KCNH7: variants seen among roughly 807,000 people sequenced by gnomAD.
The protein encoded by KCNH7 is voltage-gated inwardly rectifying potassium channel KCNH7.
Under a neutral mutation model 120.8 loss-of-function variants are expected in KCNH7, and 49 were observed. That is an observed-to-expected ratio of 0.41 (90% confidence interval 0.32 to 0.51). KCNH7 has a LOEUF of 0.51. Ranked by LOEUF, KCNH7 falls within the 20% of genes least tolerant of loss-of-function variation. The pLI is 0.38. For synonymous variants in KCNH7, 547 were observed against 516.1 expected (o/e 1.06, Z -0.81); for missense variants, 1,097 against 1,446.6 (o/e 0.76, Z 3.92).
intron 2 of KCNH7, among the ~76,000 whole-genome samples, chr2:162,725,084 T>A (rs13401732): frequency 0.13 from 20,115 of 152,190 alleles, 1,509 homozygotes; most frequent in East Asian, 0.34. Flanking sequence ...GTTTTCTCAA[T>A]TCAATGGTGT....
At chr2:162,508,798 T>G (rs986905531) in intron 5 of KCNH7, among the ~76,000 whole-genome samples, 14 of 151,010 alleles carry the variant, frequency 9.3e-5, no homozygotes, top group Non-Finnish European at 1.8e-4. Context: ...TCACTGAGAG[T>G]GATCATGAAC....
Position 162,423,487 on chromosome 2 carries a change from CTT to C in KCNH7, c.2001_2002del (p.Arg668ThrfsTer33). 1 of 1,614,038 alleles carries C rather than the reference CTT, an allele frequency of 6.2e-7. No individual in the cohort carries two copies. Among genetic ancestry groups the C allele is most frequent in the Non-Finnish European group, 8.5e-7 (1 of 1,179,920 alleles). On this transcript the variant is annotated frameshift_variant, in exon 9 of 16. Coordinates refer to ENST00000332142, the MANE Select transcript of KCNH7 (RefSeq NM_033272.4). LOFTEE classifies it high-confidence loss of function. ...GTACCTGGCAGTTCCCGAGTATAGT[CTT>C]TGGATAATTGCAGATACATTCCCAA...
intron 2 of KCNH7, among the ~76,000 whole-genome samples, chr2:162,775,542 A>G (rs763528413): frequency 3.3e-5 from 5 of 152,220 alleles, no homozygotes; most frequent in Non-Finnish European, 7.4e-5. Flanking sequence ...GAATAATCAA[A>G]GTAAAAAACT....
intron 2 of KCNH7, among the ~76,000 whole-genome samples, chr2:162,704,743 T>C (rs1686635286): frequency 1.3e-5 from 2 of 152,200 alleles, no homozygotes; most frequent in South Asian, 4.1e-4. Context: ...TCCAAAACCA[T>C]GACCTCCACT....
chr2:162,530,687 T>C (rs1010145659), intron 3 of KCNH7, among the ~76,000 whole-genome samples: 3 of 152,044 alleles, frequency 2.0e-5, no homozygotes, highest in Non-Finnish European at 4.4e-5. Flanking sequence ...GGTTAAGATG[T>C]GTCTGCTAAA....
intron 6 of KCNH7, among the ~76,000 whole-genome samples, chr2:162,490,668 G>A (rs1482029098): frequency 2.0e-5 from 3 of 152,160 alleles, no homozygotes; most frequent in African/African-American, 7.2e-5. Flanking sequence ...AGCTACAGAG[G>A]ACAGGATGCT....
chr2:162,470,685 G>A (rs895473715), intron 6 of KCNH7, among the ~76,000 whole-genome samples: 1 of 152,006 alleles, frequency 6.6e-6, no homozygotes, highest in Non-Finnish European at 1.5e-5. Context: ...CCTCTGCCCA[G>A]CCGCCCCTAC....
intron 2 of KCNH7, among the ~76,000 whole-genome samples, chr2:162,787,139 C>T (rs938760868): frequency 2.6e-5 from 4 of 151,988 alleles, no homozygotes; most frequent in African/African-American, 9.7e-5. Flanking sequence ...GTAGGCCTGC[C>T]CTAGTTTCAA....
chr2:162,713,629 T>C (rs1687004261), intron 2 of KCNH7, among the ~76,000 whole-genome samples: 1 of 152,176 alleles, frequency 6.6e-6, no homozygotes, highest in South Asian at 2.1e-4. Flanking sequence ...GACATGTTTA[T>C]TTCGATAAAA....
chr2:162,373,265 C>G (rs1686031386), intron 15 of KCNH7, among the ~76,000 whole-genome samples: 1 of 152,112 alleles, frequency 6.6e-6, no homozygotes, highest in African/African-American at 2.4e-5. Context: ...CTTCATTGTT[C>G]TCAAACTTTA....
At chr2:162,683,914 C>G (rs1685795925) in intron 2 of KCNH7, among the ~76,000 whole-genome samples, 1 of 151,962 alleles carries the variant, frequency 6.6e-6, no homozygotes, top group Admixed American at 6.6e-5. Context: ...AAGAACAAAT[C>G]TGGAGGCATC....
At chr2:162,660,866 T>C (rs1034696655) in intron 2 of KCNH7, among the ~76,000 whole-genome samples, 1 of 152,164 alleles carries the variant, frequency 6.6e-6, no homozygotes, top group Non-Finnish European at 1.5e-5. Flanking sequence ...TACAGCTACT[T>C]CAAGGTGGGA....
In KCNH7 at chr2:162,834,199, A is replaced by G. The variant is rs186410618; in HGVS notation, c.307+2338T>C. The stretch of plus-strand genomic sequence containing the variant: ...CTCTAACTGATTTTGTAGTTGTCAT[A>G]TAAATAAAACCAAGACACACTGAAG... On this transcript the variant is annotated intron_variant, in intron 2 of 15. Coordinates refer to ENST00000332142, the MANE Select transcript of KCNH7 (RefSeq NM_033272.4). Among the ~76,000 whole-genome samples, 486 of 152,242 alleles carry G rather than the reference A, an allele frequency of 3.2e-3. 2 individuals are homozygous for G. Among genetic ancestry groups the G allele is most frequent in the Non-Finnish European group, 5.2e-3 (352 of 67,962 alleles).
intron 2 of KCNH7, among the ~76,000 whole-genome samples, chr2:162,577,072 T>A (rs988905590): frequency 6.6e-6 from 1 of 151,816 alleles, no homozygotes; most frequent in Non-Finnish European, 1.5e-5. Context: ...CACACCACCA[T>A]GCCCAGATAA....
At chr2:162,776,961 A>T (rs183501917) in intron 2 of KCNH7, among the ~76,000 whole-genome samples, 9 of 152,070 alleles carry the variant, frequency 5.9e-5, no homozygotes, top group Admixed American at 5.9e-4. Flanking sequence ...GTTCTTCTTC[A>T]CTCTTTCCCT....
chr2:162,405,573 A>C (rs973419172), intron 9 of KCNH7, among the ~76,000 whole-genome samples: 2 of 151,978 alleles, frequency 1.3e-5, no homozygotes, highest in African/African-American at 4.8e-5. Flanking sequence ...ACTTAATGGC[A>C]TACAATTATA....
intron 3 of KCNH7, among the ~76,000 whole-genome samples, chr2:162,518,487 A>G (rs1324860137): frequency 6.6e-6 from 1 of 151,870 alleles, no homozygotes; most frequent in Non-Finnish European, 1.5e-5. Flanking sequence ...GGGAAATTGA[A>G]GGATGAACAG....
intron 2 of KCNH7, among the ~76,000 whole-genome samples, chr2:162,757,247 T>A (rs1195618208): frequency 6.6e-6 from 1 of 152,142 alleles, no homozygotes; most frequent in Non-Finnish European, 1.5e-5. Flanking sequence ...AAAATGGGAA[T>A]ATCAGTGTTT....
chr2:162,773,083 T>C (rs1164109094), intron 2 of KCNH7, among the ~76,000 whole-genome samples: 1 of 152,232 alleles, frequency 6.6e-6, no homozygotes, highest in Non-Finnish European at 1.5e-5. Flanking sequence ...ACGGTAGTTG[T>C]TTAATTTTTA....
Sources: gnomAD v4.1 joint callset for allele counts (sites outside exome capture counted in the v4.1 genomes callset) on GRCh38, gnomAD v4.1.1 for gene constraint, MANE v1.5 for transcripts, NCBI Gene and HGNC (gene_info 2026-07-23, HGNC 2026-07-21) for gene names.